Variants in GNL1 observed in about 807,000 individuals in gnomAD.
GNL1 encodes guanine nucleotide-binding protein-like 1.
GNL1 carries 21 observed loss-of-function variants against 75.2 expected under a neutral mutation model. The observed-to-expected ratio is 0.28, with a 90% CI of 0.20 to 0.40. GNL1 has a LOEUF of 0.40. Ranked by LOEUF, GNL1 falls within the 10% of genes least tolerant of loss-of-function variation. The probability of loss-of-function intolerance (pLI) is 1.00; values close to 1 mark genes in which losing one functional copy is unlikely to be tolerated. For synonymous variants in GNL1, 287 were observed against 303.4 expected (o/e 0.95, Z 0.56); for missense variants, 579 against 775.0 (o/e 0.75, Z 3.00).
In GNL1 at chr6:30,545,164, C is replaced by A. The variant is rs754920746; in HGVS notation, c.*908G>T. On this transcript the variant is annotated 3_prime_UTR_variant, in exon 12 of 12. Transcript: ENST00000376621. ...GTAAATGGAATTCAGGAGGCTGGTT[C>A]TGTGCCCGCCCCTATGTACCTCAAA... 2.0e-5 allele frequency: 3 copies of A among 152,234 alleles called. No homozygotes were observed. The highest frequency in any genetic ancestry group is 6.5e-5 in the Admixed American group (1 of 15,272). 9.4% of individuals were successfully genotyped at this position (152,234 alleles called of 1,614,324 possible). A position where few individuals can be genotyped will look rare whatever the true frequency, so the allele number is the denominator to read the frequency against.
Position 30,555,636 on chromosome 6 carries a change from C to G in GNL1, c.158G>C (p.Gly53Ala), listed in dbSNP as rs760258705. 1 of 1,614,036 alleles carries G rather than the reference C, an allele frequency of 6.2e-7. No homozygotes were observed. Among genetic ancestry groups the G allele is most frequent in the Non-Finnish European group, 8.5e-7 (1 of 1,179,952 alleles). ...RREEQTDTSD[G>A]ESVTHHIRRL... ...GCGGATATGATGGGTCACAGACTCC[C>G]CGTCCGAGGTGTCGGTCTGTTCCTC... Residue 53 changes from glycine to alanine, a missense_variant, in exon 2 of 12, where the codon GGG becomes GCG. Transcript: ENST00000376621. This position sits in a 1 kb window ranked among gnomAD's most constrained non-coding sequence, Gnocchi z 4.3.
Position 30,546,480 on chromosome 6 carries a change from G to C in GNL1, c.1583-167C>G, listed in dbSNP as rs894953366. On this transcript the variant is annotated intron_variant, in intron 11 of 11. Transcript: ENST00000376621. The surrounding 1 kb of genome is among the most constrained non-coding windows in gnomAD (Gnocchi z 5.1). ...CTTCCTATGTGCAGATTGCTGAACA[G>C]AACCTTTGTGCACATCAACTTCAAT... 4 of 675,428 alleles carry C rather than the reference G, an allele frequency of 5.9e-6. No individual in the cohort carries two copies. The South Asian group carries it at 6.8e-5, about 12-fold the overall frequency. 41.8% of individuals were successfully genotyped at this position (675,428 alleles called of 1,614,324 possible). A position where few individuals can be genotyped will look rare whatever the true frequency, so the allele number is the denominator to read the frequency against.
chr6:30,545,387 G>A lies in GNL1; in HGVS notation c.*685C>T, dbSNP rs188652811. On this transcript the variant is annotated 3_prime_UTR_variant, in exon 12 of 12. Coordinates refer to ENST00000376621, the MANE Select transcript of GNL1 (RefSeq NM_005275.5). Reference sequence around the variant, plus strand: ...ATGAAGTCCTAGAATTATACTGCATGAGCCCCCAGGATTTGGAGAACATCA... The same window carrying A: ...ATGAAGTCCTAGAATTATACTGCATAAGCCCCCAGGATTTGGAGAACATCA... 1 of 152,266 alleles carries A rather than the reference G, an allele frequency of 6.6e-6. No homozygotes were observed. The highest frequency in any genetic ancestry group is 1.9e-4 in the East Asian group (1 of 5,190). 9.4% of individuals were successfully genotyped at this position (152,266 alleles called of 1,614,324 possible). A position where few individuals can be genotyped will look rare whatever the true frequency, so the allele number is the denominator to read the frequency against.
At position 30,552,737 on chromosome 6, in the gene GNL1, C is replaced by T. The variant is rs927174875; in HGVS notation, c.905-76G>A. ...ATGATGGCACATACTGTGCCCTGCA[C>T]AGATTATGTAACTGGCACCCTCTGG... On this transcript the variant is annotated intron_variant, in intron 7 of 11. Coordinates refer to ENST00000376621, the MANE Select transcript of GNL1 (RefSeq NM_005275.5). The surrounding 1 kb of genome is among the most constrained non-coding windows in gnomAD (Gnocchi z 4.5). The T allele has an allele frequency of 1.5e-6, 2 of 1,330,148 alleles. No individual in the cohort carries two copies. Among genetic ancestry groups the T allele is most frequent in the Non-Finnish European group, 2.1e-6 (2 of 956,648 alleles). The allele number at this position is 1,330,148 out of a possible 1,614,324, so 82.4% of individuals were successfully genotyped here. A position where few individuals can be genotyped will look rare whatever the true frequency, so the allele number is the denominator to read the frequency against.
In GNL1 at chr6:30,545,271, C is replaced by T. The variant is rs926290312; in HGVS notation, c.*801G>A. 1 of 152,214 alleles carries T rather than the reference C, an allele frequency of 6.6e-6. No homozygotes were observed. Among genetic ancestry groups the T allele is most frequent in the Admixed American group, 6.5e-5 (1 of 15,280 alleles). The allele number at this position is 152,214 out of a possible 1,614,324, so 9.4% of individuals were successfully genotyped here. ...GTTCTGCTCAAATCATAAATGTGCA[C>T]GCTAGTTGTTCACCAGTAATTAAAA... On this transcript the variant is annotated 3_prime_UTR_variant, in exon 12 of 12. Transcript: ENST00000376621.
chr6:30,552,196 T>C lies in GNL1; in HGVS notation c.1099+271A>G. The C allele has an allele frequency of 2.2e-6, 1 of 460,240 alleles. No individual in the cohort carries two copies. Among genetic ancestry groups the C allele is most frequent in the Non-Finnish European group, 3.9e-6 (1 of 259,704 alleles). The allele number at this position is 460,240 out of a possible 1,614,324, so 28.5% of individuals were successfully genotyped here. ...CCATTCTTTTACTCAGGTATCAATG[T>C]CCTTATTTTTAAAATCAAAGTAACT... On this transcript the variant is annotated intron_variant, in intron 8 of 11. Transcript: ENST00000376621. The surrounding 1 kb of genome is among the most constrained non-coding windows in gnomAD (Gnocchi z 4.5).
At chr6:30,550,841 C>T (rs945962000) in intron 8 of GNL1, among the ~76,000 whole-genome samples, 11 of 152,070 alleles carry the variant, frequency 7.2e-5, no homozygotes, top group Non-Finnish European at 1.5e-4. Context: ...TCTCCAAGCC[C>T]GTTCCCTCCT....
rs377256021 is a variant in GNL1 at position 30,553,324 on chromosome 6, G to C, written c.808+26C>G. 1,124 of 1,580,086 alleles carry C rather than the reference G, an allele frequency of 7.1e-4. 1 individual carries two copies. Among genetic ancestry groups the C allele is most frequent in the Admixed American group, 9.0e-4 (54 of 59,958 alleles). On this transcript the variant is annotated intron_variant, in intron 6 of 11. Coordinates refer to ENST00000376621, the MANE Select transcript of GNL1 (RefSeq NM_005275.5). The stretch of plus-strand genomic sequence containing the variant: ...TCCCCTGCCAACTCACCTCTCCCAA[G>C]TTGCCCTCTCTCATTGCCCACTCAC...
rs1582515863 is a variant in GNL1, at chr6:30,554,947, G to A, written c.377-32C>T. ...ATTCAGGAAAAAGTCCAAGTGTGAG[G>A]AAATCTTCAGGATTCAAGAGTACAT... On this transcript the variant is annotated intron_variant, in intron 3 of 11. Transcript: ENST00000376621. 5.6e-6 allele frequency: 9 copies of A among 1,611,944 alleles called. No homozygotes were observed. The East Asian group carries it at 1.8e-4, about 32-fold the overall frequency.
Position 30,546,896 on chromosome 6 carries a change from C to G in GNL1, c.1442-60G>C. 1 of 1,388,008 alleles carries G rather than the reference C, an allele frequency of 7.2e-7. No homozygotes were observed. The allele number at this position is 1,388,008 out of a possible 1,614,324, so 86.0% of individuals were successfully genotyped here. On this transcript the variant is annotated intron_variant, in intron 10 of 11. Coordinates refer to ENST00000376621, the MANE Select transcript of GNL1 (RefSeq NM_005275.5). This position sits in a 1 kb window ranked among gnomAD's most constrained non-coding sequence, Gnocchi z 5.1. The stretch of plus-strand genomic sequence containing the variant: ...ATTAACCAGGTACCAGTTATACTCC[C>G]ACTCCCATAACACAGTCCTTCCAGT...
At position 30,556,359 on chromosome 6, in the gene GNL1, G is replaced by A. The variant is rs1800195093; in HGVS notation, c.-156C>T. The A allele has an allele frequency of 1.2e-5, 9 of 765,740 alleles. No individual in the cohort carries two copies. The highest frequency in any genetic ancestry group is 1.1e-5 in the Non-Finnish European group (5 of 471,948). 47.4% of individuals were successfully genotyped at this position (765,740 alleles called of 1,614,324 possible). ...GCGGGCCCGACAGAATTACCGCCGC[G>A]GCGGCGATGGAAGGCGGACGGGGGA... is the stretch of plus-strand genomic sequence containing the variant. On this transcript the variant is annotated 5_prime_UTR_variant, in exon 1 of 12. Transcript: ENST00000376621. This position sits in a 1 kb window ranked among gnomAD's most constrained non-coding sequence, Gnocchi z 5.7.
chr6:30,547,533 G>A lies in GNL1; in HGVS notation c.1100-3C>T. 1 of 1,613,154 alleles carries A rather than the reference G, an allele frequency of 6.2e-7. No homozygotes were observed. Among genetic ancestry groups the A allele is most frequent in the East Asian group, 2.2e-5 (1 of 44,880 alleles). ...GGACTTTCCCACATTAGGGAAACCT[G>A]AGGAAGGCAAGGAAAATTAACGTTT... On this transcript the variant is annotated splice_polypyrimidine_tract_variant and splice_region_variant and intron_variant, in intron 8 of 11. Transcript: ENST00000376621. The surrounding 1 kb of genome is among the most constrained non-coding windows in gnomAD (Gnocchi z 5.5).
At position 30,556,383 on chromosome 6, in the gene GNL1, G is replaced by A; in HGVS notation, c.-180C>T. ...CGGCGGCGATGGAAGGCGGACGGGGGAGATATAGTCACTTCCCTCCAGGAG... is the reference window on the plus strand; with the variant it reads ...CGGCGGCGATGGAAGGCGGACGGGGAAGATATAGTCACTTCCCTCCAGGAG... On this transcript the variant is annotated 5_prime_UTR_variant, in exon 1 of 12. Coordinates refer to ENST00000376621, the MANE Select transcript of GNL1 (RefSeq NM_005275.5). The surrounding 1 kb of genome is among the most constrained non-coding windows in gnomAD (Gnocchi z 5.7). 1.5e-6 allele frequency: 1 copy of A among 660,330 alleles called. No homozygotes were observed. The highest frequency in any genetic ancestry group is 2.6e-6 in the Non-Finnish European group (1 of 382,228). The allele number at this position is 660,330 out of a possible 1,614,324, so 40.9% of individuals were successfully genotyped here. A position where few individuals can be genotyped will look rare whatever the true frequency, so the allele number is the denominator to read the frequency against.
Position 30,547,651 on chromosome 6 carries a change from T to C in GNL1, c.1100-121A>G. On this transcript the variant is annotated intron_variant, in intron 8 of 11. Coordinates refer to ENST00000376621, the MANE Select transcript of GNL1 (RefSeq NM_005275.5). The surrounding 1 kb of genome is among the most constrained non-coding windows in gnomAD (Gnocchi z 5.5). ...AAATTAAGGAAATGGTATTGCAGAA[T>C]ACAAATCACGCTCTGGGCTGCCAGG... 4 of 846,308 alleles carry C rather than the reference T, an allele frequency of 4.7e-6. No homozygotes were observed. Among genetic ancestry groups the C allele is most frequent in the South Asian group, 1.6e-5 (1 of 63,344 alleles). The allele number at this position is 846,308 out of a possible 1,614,324, so 52.4% of individuals were successfully genotyped here.
rs1799391088 is a variant in GNL1 at position 30,545,423 on chromosome 6, T to C, written c.*649A>G. The C allele has an allele frequency of 6.6e-6, 1 of 152,232 alleles. No homozygotes were observed. 9.4% of individuals were successfully genotyped at this position (152,232 alleles called of 1,614,324 possible). A position where few individuals can be genotyped will look rare whatever the true frequency, so the allele number is the denominator to read the frequency against. Reference sequence around the variant, plus strand: ...ATTTGGAGAACATCATTCACCCTTCTTAATCCAAAAACTTGGGTGCCTGAA... The same window carrying C: ...ATTTGGAGAACATCATTCACCCTTCCTAATCCAAAAACTTGGGTGCCTGAA... On this transcript the variant is annotated 3_prime_UTR_variant, in exon 12 of 12. Coordinates refer to ENST00000376621, the MANE Select transcript of GNL1 (RefSeq NM_005275.5).
At position 30,542,604 on chromosome 6, in the gene GNL1, TCTTGA is replaced by T. The variant is rs1243807457; in HGVS notation, c.*3463_*3467del. 4 of 152,296 alleles carry T rather than the reference TCTTGA, an allele frequency of 2.6e-5. No individual in the cohort carries two copies. Among genetic ancestry groups the T allele is most frequent in the East Asian group, 1.9e-4 (1 of 5,184 alleles). The allele number at this position is 152,296 out of a possible 1,614,324, so 9.4% of individuals were successfully genotyped here. On this transcript the variant is annotated 3_prime_UTR_variant, in exon 12 of 12. Transcript: ENST00000376621. This position sits in a 1 kb window ranked among gnomAD's most constrained non-coding sequence, Gnocchi z 4.5. ...GCCAAGTCAGAAACAGGATGTATACTCTTGACTTGTCTCTCTCCCCTACACAGCAA... is the reference window on the plus strand; with the variant it reads ...GCCAAGTCAGAAACAGGATGTATACTCTTGTCTCTCTCCCCTACACAGCAA...
In GNL1 at chr6:30,541,494, A is replaced by T. The variant is rs982729567; in HGVS notation, c.*4578T>A. ...AAGAACGACAATGCACTAACAATAA[A>T]ATCAAAGTAGAAGCTAAACTATTCA... is the stretch of plus-strand genomic sequence containing the variant. On this transcript the variant is annotated 3_prime_UTR_variant, in exon 12 of 12. Coordinates refer to ENST00000376621, the MANE Select transcript of GNL1 (RefSeq NM_005275.5). 1.3e-5 allele frequency: 2 copies of T among 152,228 alleles called. No homozygotes were observed. Among genetic ancestry groups the T allele is most frequent in the African/African-American group, 4.8e-5 (2 of 41,458 alleles). The allele number at this position is 152,228 out of a possible 1,614,324, so 9.4% of individuals were successfully genotyped here.
chr6:30,553,632 C>G, intron 5 of GNL1, 75 bp from the exon 6 acceptor site: 1 of 1,003,722 alleles, frequency 1.0e-6, no homozygotes, highest in Non-Finnish European at 1.6e-6. Context: ...CCCCACTCAG[C>G]AGGTGTAGCT....
intron 8 of GNL1, among the ~76,000 whole-genome samples, chr6:30,549,637 T>C (rs116099574): frequency 0.042 from 6,372 of 152,200 alleles, 204 homozygotes; most frequent in African/African-American, 0.086. Flanking sequence ...TCAGCAACAG[T>C]TGACACAGCT....
Sources: gnomAD v4.1 joint callset for allele counts (sites outside exome capture counted in the v4.1 genomes callset) on GRCh38, gnomAD v4.1.1 for gene constraint, Gnocchi (gnomAD v3.1) non-coding constraint, MANE v1.5 for transcripts, NCBI Gene and HGNC (gene_info 2026-07-23, HGNC 2026-07-21) for gene names.